The following CEP128 variants were observed in gnomAD, a reference collection of about 807,000 sequenced individuals.
CEP128 encodes centrosomal protein 128.
A neutral mutation model predicts 156.7 loss-of-function variants in CEP128; 132 were observed. That is an observed-to-expected ratio of 0.84 (90% CI 0.73 to 0.97). The LOEUF is 0.97. Among genes scored for constraint, CEP128 ranks in the 50% least tolerant of loss-of-function variants. The probability of loss-of-function intolerance (pLI) is 0.00; values close to 1 mark genes in which losing one functional copy is unlikely to be tolerated. For missense variants in CEP128, 1,252 were observed against 1,281.9 expected (o/e 0.98, Z 0.36); for synonymous variants, 469 against 448.9 (o/e 1.04, Z -0.57).
rs1898935635 is a variant in CEP128, at chr14:80,743,417, G to T, written c.2614-150C>A. 6.5e-6 allele frequency: 4 copies of T among 616,856 alleles called. No homozygotes were observed. The East Asian group carries it at 8.3e-5, about 13-fold the overall frequency. 38.2% of individuals were successfully genotyped at this position (616,856 alleles called of 1,614,324 possible). Reference sequence around the variant, plus strand: ...ATTTTAAAATATCCATGTTTAATTTGCATAATGGTCTACAGCAAGTAAAAG... The same window carrying T: ...ATTTTAAAATATCCATGTTTAATTTTCATAATGGTCTACAGCAAGTAAAAG... On this transcript the variant is annotated intron_variant, in intron 18 of 24. Transcript: ENST00000555265.
At chr14:80,643,071 G>C (rs193157389) in intron 19 of CEP128, among the ~76,000 whole-genome samples, 5 of 151,950 alleles carry the variant, frequency 3.3e-5, no homozygotes, top group Admixed American at 6.6e-5. Flanking sequence ...ATATATTAAG[G>C]GTACCTCAAA....
chr14:80,927,002 T>A (rs1321436826), intron 2 of CEP128, among the ~76,000 whole-genome samples: 1 of 152,214 alleles, frequency 6.6e-6, no homozygotes, highest in East Asian at 1.9e-4. Context: ...TACTCACTGT[T>A]GGGAAACTGG....
At chr14:80,951,532 A>G (rs916708409) in intron 2 of CEP128, among the ~76,000 whole-genome samples, 1 of 152,152 alleles carries the variant, frequency 6.6e-6, no homozygotes, top group Non-Finnish European at 1.5e-5. Context: ...GATTCAGCAA[A>G]GAAGATAAAA....
rs1899820017 is a variant in CEP128, at chr14:80,758,991, T to G, written c.2554-2040A>C. Among the ~76,000 whole-genome samples the G allele has an allele frequency of 1.3e-5, 2 of 152,208 alleles. 1 individual carries two copies. The highest frequency in any genetic ancestry group is 4.1e-4 in the South Asian group (2 of 4,828). ...GCCCATCGTCTTCATGCTCTAAAAC[T>G]GAATGAATACTCAGACCAAGTGTTA... On this transcript the variant is annotated intron_variant, in intron 17 of 24. Coordinates refer to ENST00000555265, the MANE Select transcript of CEP128 (RefSeq NM_152446.5).
At chr14:80,941,143 C>T (rs1044733722) in intron 1 of CEP128, among the ~76,000 whole-genome samples, 2 of 152,036 alleles carry the variant, frequency 1.3e-5, no homozygotes, top group Admixed American at 1.3e-4. Flanking sequence ...AAAGCGTTCC[C>T]GAGAGTAGCA....
At chr14:80,945,232 T>C (rs1594877552), upstream of CEP128, among the ~76,000 whole-genome samples, 1 of 152,226 alleles carries the variant, frequency 6.6e-6, no homozygotes, top group Non-Finnish European at 1.5e-5. Flanking sequence ...TATGAGCACA[T>C]ACATGGTTTC....
At chr14:80,916,070 G>A (rs1236337179) in intron 3 of CEP128, among the ~76,000 whole-genome samples, 2 of 152,160 alleles carry the variant, frequency 1.3e-5, no homozygotes, top group African/African-American at 4.8e-5. Context: ...TGTGAGAAGG[G>A]CTTGACCCTT....
chr14:80,850,911 G>A (rs1886857789), intron 9 of CEP128, among the ~76,000 whole-genome samples: 1 of 152,104 alleles, frequency 6.6e-6, no homozygotes, highest in South Asian at 2.1e-4. Context: ...GTTGAATTAT[G>A]TTTAATTTAA....
chr14:80,718,435 G>T (rs1897690561), intron 19 of CEP128, among the ~76,000 whole-genome samples: 1 of 152,116 alleles, frequency 6.6e-6, no homozygotes, highest in African/African-American at 2.4e-5. Context: ...AAAGACAACA[G>T]TTTTAGTAAT....
At chr14:80,776,668 G>A (rs1029060648) in intron 16 of CEP128, among the ~76,000 whole-genome samples, 4 of 151,604 alleles carry the variant, frequency 2.6e-5, no homozygotes, top group Non-Finnish European at 4.4e-5. Context: ...AATCCACCCA[G>A]TGCTAATTCC....
chr14:80,894,558 A>AG (rs200699968), intron 8 of CEP128: 1 of 440,484 alleles, frequency 2.3e-6, no homozygotes, highest in Admixed American at 2.6e-5. Context: ...GCAAAAAAAA[A>AG]ATATATCTTG....
At chr14:80,815,857 T>C (rs1355789890) in intron 13 of CEP128, among the ~76,000 whole-genome samples, 1 of 152,254 alleles carries the variant, frequency 6.6e-6, no homozygotes, top group South Asian at 2.1e-4. Flanking sequence ...TGTTCTCATT[T>C]ATACGTGGAA....
At chr14:80,737,480 T>G (rs908749694) in intron 19 of CEP128, among the ~76,000 whole-genome samples, 3 of 152,040 alleles carry the variant, frequency 2.0e-5, no homozygotes, top group African/African-American at 7.2e-5. Flanking sequence ...GTTAAATAAC[T>G]GATGAGTTTT....
At chr14:80,505,842 C>T (rs965885176) in intron 23 of CEP128, among the ~76,000 whole-genome samples, 10 of 152,126 alleles carry the variant, frequency 6.6e-5, no homozygotes, top group African/African-American at 2.4e-4. Flanking sequence ...CCTTCTTTCA[C>T]TCATTCATTC....
At chr14:80,599,439 A>AT (rs1228101080) in intron 19 of CEP128, among the ~76,000 whole-genome samples, 11 of 150,984 alleles carry the variant, frequency 7.3e-5, no homozygotes, top group East Asian at 5.9e-4. Flanking sequence ...CGCCCGGCTA[A>AT]TTTTTTTTGT....
At chr14:80,506,694 T>A (rs1233991229) in intron 23 of CEP128, among the ~76,000 whole-genome samples, 2 of 152,178 alleles carry the variant, frequency 1.3e-5, no homozygotes, top group Non-Finnish European at 2.9e-5. Context: ...CTTTATATTT[T>A]ATTTCTGTGT....
At chr14:80,744,515 A>C (rs534017674) in intron 18 of CEP128, among the ~76,000 whole-genome samples, 42 of 134,436 alleles carry the variant, frequency 3.1e-4, no homozygotes, top group Non-Finnish European at 5.9e-4. Context: ...ACATTTCTAA[A>C]TATTGTCCTG....
At chr14:80,918,026 TC>T (rs962750686) in intron 2 of CEP128, among the ~76,000 whole-genome samples, 5 of 152,172 alleles carry the variant, frequency 3.3e-5, no homozygotes, top group African/African-American at 1.2e-4. Context: ...GCTCTTAACT[TC>T]CTTCTGCACC....
chr14:80,541,083 C>T (rs1461725891), intron 21 of CEP128, among the ~76,000 whole-genome samples: 2 of 152,120 alleles, frequency 1.3e-5, no homozygotes, highest in Non-Finnish European at 2.9e-5. Context: ...TCAGGAGATA[C>T]AAGGTTATAG....
Sources: allele counts gnomAD v4.1 joint callset (sites outside exome capture counted in the v4.1 genomes callset), GRCh38; gene constraint gnomAD v4.1.1; transcripts MANE v1.5; gene names NCBI Gene and HGNC (gene_info 2026-07-23, HGNC 2026-07-21).